Variants in HS2ST1 observed in about 807,000 individuals in gnomAD.
The protein encoded by HS2ST1 is 2-O-sulfotransferase.
HS2ST1 carries 18 observed loss-of-function variants against 42.9 expected under a neutral mutation model. The observed-to-expected ratio is 0.42, with a 90% confidence interval of 0.29 to 0.62. The LOEUF (loss-of-function observed/expected upper bound fraction) is 0.62. Ranked by LOEUF, HS2ST1 falls within the 20% of genes least tolerant of loss-of-function variation. The pLI, the probability that HS2ST1 is intolerant of heterozygous loss-of-function variation, is 0.21. For synonymous variants in HS2ST1, 146 were observed against 152.9 expected (o/e 0.95, Z 0.33); for missense variants, 334 against 433.8 (o/e 0.77, Z 2.04).
At chr1:86,979,455 C>T (rs1648517256) in intron 1 of HS2ST1, among the ~76,000 whole-genome samples, 1 of 152,124 alleles carries the variant, frequency 6.6e-6, no homozygotes, top group South Asian at 2.1e-4. Context: ...TCATATAGCA[C>T]TGGATTTTGT....
At position 86,934,226 on chromosome 1, in the gene HS2ST1, A is replaced by G. The variant is rs548201912; in HGVS notation, c.124+19066A>G. ...GTGAAACCTCGGATGAGGGGAGGCT[A>G]CTGTAGTTTCTTTTGAGGACAGGTC... On this transcript the variant is annotated intron_variant, in intron 1 of 6. Transcript: ENST00000370550. Among the ~76,000 whole-genome samples the G allele has an allele frequency of 3.3e-5, 5 of 152,308 alleles. No individual in the cohort carries two copies. In the South Asian group the frequency reaches 1.0e-3, roughly 32 times the overall value.
chr1:87,066,498 C>T (rs1391938116), intron 1 of HS2ST1, among the ~76,000 whole-genome samples: 2 of 152,100 alleles, frequency 1.3e-5, no homozygotes, highest in Non-Finnish European at 2.9e-5. Context: ...GGCACCACTC[C>T]CCACCCCTGT....
chr1:86,960,534 A>G (rs1262918464), intron 1 of HS2ST1, among the ~76,000 whole-genome samples: 2 of 152,224 alleles, frequency 1.3e-5, no homozygotes, highest in Non-Finnish European at 2.9e-5. Context: ...TGGAAAATAC[A>G]TACCTGAAAA....
At chr1:87,021,773 C>T (rs1412659416) in intron 1 of HS2ST1, among the ~76,000 whole-genome samples, 1 of 152,156 alleles carries the variant, frequency 6.6e-6, no homozygotes, top group Non-Finnish European at 1.5e-5. Context: ...GCCTTGGCCT[C>T]CCAAAGTGCT....
At chr1:87,052,033 G>A (rs1308036255) in intron 1 of HS2ST1, among the ~76,000 whole-genome samples, 1 of 152,076 alleles carries the variant, frequency 6.6e-6, no homozygotes, top group Non-Finnish European at 1.5e-5. Flanking sequence ...TGGGCTAATC[G>A]CTTGAGCCTA....
chr1:86,936,014 C>T (rs146125762), intron 1 of HS2ST1, among the ~76,000 whole-genome samples: 1 of 152,060 alleles, frequency 6.6e-6, no homozygotes, highest in Admixed American at 6.6e-5. Flanking sequence ...TTAGATTTTA[C>T]CAGTTTTTAC....
At chr1:86,982,422 C>T (rs1171430745) in intron 1 of HS2ST1, among the ~76,000 whole-genome samples, 5 of 152,182 alleles carry the variant, frequency 3.3e-5, no homozygotes, top group Non-Finnish European at 1.5e-5. Flanking sequence ...ATTTTCCAAA[C>T]CTTTAGACTC....
intron 1 of HS2ST1, among the ~76,000 whole-genome samples, chr1:86,933,706 ATT>A (rs58580477): frequency 6.9e-4 from 89 of 129,172 alleles, no homozygotes; most frequent in African/African-American, 1.3e-3. Context: ...ATGCCTTGTA[ATT>A]TTTTTTTTTT....
intron 1 of HS2ST1, among the ~76,000 whole-genome samples, chr1:86,922,231 A>G (rs189351386): frequency 6.6e-5 from 10 of 151,826 alleles, no homozygotes; most frequent in Admixed American, 5.9e-4. Flanking sequence ...CATGTGTAGT[A>G]TAAGAACCTT....
intron 1 of HS2ST1, among the ~76,000 whole-genome samples, chr1:86,923,399 T>A (rs1362020072): frequency 2.3e-5 from 3 of 129,186 alleles, no homozygotes; most frequent in African/African-American, 6.3e-5. Context: ...GGGGAACGCC[T>A]TTTTTTTTTT....
chr1:87,085,969 G>T (rs988732973), intron 3 of HS2ST1, among the ~76,000 whole-genome samples: 1 of 152,004 alleles, frequency 6.6e-6, no homozygotes, highest in Non-Finnish European at 1.5e-5. Flanking sequence ...TTATTTGAAG[G>T]GAAAAGTATT....
Position 87,061,496 on chromosome 1 carries a change from A to G in HS2ST1, c.125-11438A>G, listed in dbSNP as rs546848015. On this transcript the variant is annotated intron_variant, in intron 1 of 6. Transcript: ENST00000370550. Reference sequence around the variant, plus strand: ...ATATTTCATATTAATCTAATTATATATGACCTTCGGTATCTGGCTTCTTAG... The same window carrying G: ...ATATTTCATATTAATCTAATTATATGTGACCTTCGGTATCTGGCTTCTTAG... Among the ~76,000 whole-genome samples, 914 of 152,248 alleles carry G rather than the reference A, an allele frequency of 6.0e-3. 3 individuals carry two copies. Among genetic ancestry groups the G allele is most frequent in the Non-Finnish European group, 9.9e-3 (670 of 67,976 alleles).
chr1:87,079,295 G>A (rs575459768), intron 2 of HS2ST1, among the ~76,000 whole-genome samples: 10 of 152,002 alleles, frequency 6.6e-5, no homozygotes, highest in African/African-American at 2.4e-4. Context: ...GAGCCACCAC[G>A]CCTGGCTAAT....
chr1:86,998,868 C>T (rs1442569196), intron 1 of HS2ST1, among the ~76,000 whole-genome samples: 1 of 152,208 alleles, frequency 6.6e-6, no homozygotes, highest in Non-Finnish European at 1.5e-5. Flanking sequence ...CTTTGGCCAT[C>T]ACATGGGAGC....
At chr1:87,005,937 A>G (rs1649426013) in intron 1 of HS2ST1, among the ~76,000 whole-genome samples, 1 of 152,146 alleles carries the variant, frequency 6.6e-6, no homozygotes, top group South Asian at 2.1e-4. Context: ...TGTAAAGAAA[A>G]TATCCTCATT....
At chr1:87,014,404 T>A (rs954287688) in intron 1 of HS2ST1, among the ~76,000 whole-genome samples, 1 of 152,200 alleles carries the variant, frequency 6.6e-6, no homozygotes, top group Non-Finnish European at 1.5e-5. Context: ...GGGAAAGACC[T>A]GCCCCCATGA....
intron 1 of HS2ST1, among the ~76,000 whole-genome samples, chr1:86,982,947 T>A (rs1648641564): frequency 6.6e-6 from 1 of 152,218 alleles, no homozygotes; most frequent in Non-Finnish European, 1.5e-5. Context: ...TGCTAAAGCA[T>A]AGCAAGAGGG....
chr1:87,042,570 G>T (rs6663434), intron 1 of HS2ST1, among the ~76,000 whole-genome samples: 105,811 of 151,884 alleles, frequency 0.7, 39,130 homozygotes, highest in East Asian at 0.97. Context: ...GATATTTTTT[G>T]GATAGATATA....
chr1:86,920,204 G>A (rs1464563831), intron 1 of HS2ST1, among the ~76,000 whole-genome samples: 1 of 152,140 alleles, frequency 6.6e-6, no homozygotes, highest in Non-Finnish European at 1.5e-5. Context: ...TTTACATGGG[G>A]AAAATAATTG....
Sources: gnomAD v4.1 joint callset for allele counts (sites outside exome capture counted in the v4.1 genomes callset) on GRCh38, gnomAD v4.1.1 for gene constraint, MANE v1.5 for transcripts, NCBI Gene and HGNC (gene_info 2026-07-23, HGNC 2026-07-21) for gene names.